Variants in CDKL2 observed in about 807,000 individuals in gnomAD.
The protein encoded by CDKL2 is cyclin-dependent kinase-like 2.
A neutral mutation model predicts 63.9 loss-of-function variants in CDKL2; 64 were observed. That is an observed-to-expected ratio of 1.00 (90% CI 0.82 to 1.23). The LOEUF is 1.23. Ranked by LOEUF, CDKL2 falls within the 50% of genes most tolerant of loss-of-function variation. CDKL2 has a pLI of 0.00. For missense variants in CDKL2, 656 were observed against 668.0 expected (o/e 0.98, Z 0.20); for synonymous variants, 211 against 229.2 (o/e 0.92, Z 0.72).
intron 2 of CDKL2, among the ~76,000 whole-genome samples, chr4:75,615,252 G>A (rs1729880967): frequency 6.6e-6 from 1 of 152,150 alleles, no homozygotes; most frequent in Non-Finnish European, 1.5e-5. Flanking sequence ...CTGGAACAAA[G>A]TCATGGCCTC....
intron 4 of CDKL2, among the ~76,000 whole-genome samples, 168 bp from the exon 5 acceptor site, chr4:75,605,802 T>C (rs1030442777): frequency 2.2e-4 from 27 of 120,674 alleles, no homozygotes; most frequent in East Asian, 2.3e-4. Flanking sequence ...TATCCCAAAA[T>C]CCAAAAAAAA....
intron 12 of CDKL2, among the ~76,000 whole-genome samples, chr4:75,587,669 C>T (rs892300819): frequency 2.0e-5 from 3 of 151,808 alleles, no homozygotes; most frequent in Non-Finnish European, 4.4e-5. Flanking sequence ...TTTGGGAGGC[C>T]GAGACGGGCG....
chr4:75,626,466 A>C (rs981210980), intron 1 of CDKL2, among the ~76,000 whole-genome samples: 1 of 152,132 alleles, frequency 6.6e-6, no homozygotes, highest in Non-Finnish European at 1.5e-5. Context: ...GGAGATTGAG[A>C]CCATCCTGGC....
At chr4:75,586,211 G>A (rs1728472489) in intron 12 of CDKL2, among the ~76,000 whole-genome samples, 1 of 145,016 alleles carries the variant, frequency 6.9e-6, no homozygotes, top group South Asian at 2.2e-4. Context: ...ATTAGAAAAC[G>A]TTTGGACTAA....
At chr4:75,586,463 C>T (rs1485374955) in intron 12 of CDKL2, among the ~76,000 whole-genome samples, 1 of 152,098 alleles carries the variant, frequency 6.6e-6, no homozygotes, top group African/African-American at 2.4e-5. Flanking sequence ...ATCTCCTGAC[C>T]TTGTGATCTG....
rs185150643 is a variant in CDKL2, at chr4:75,593,063, C to T, written c.1417-794G>A. Among the ~76,000 whole-genome samples, 3 of 152,144 alleles carry T rather than the reference C, an allele frequency of 2.0e-5. No homozygotes were observed. The East Asian group carries it at 5.8e-4, about 29-fold the overall frequency. On this transcript the variant is annotated intron_variant, in intron 10 of 13. Transcript: ENST00000307465. The stretch of plus-strand genomic sequence containing the variant: ...ATTAAGTTATGGAGGTTCCTTGATG[C>T]CTCAAACTTAATATTCTGTGAATTA...
rs1263487305 is a variant in CDKL2, at chr4:75,576,752, C to T, written c.*2450G>A. ...GATACATAGTGTATTACAGGTCCAG[C>T]CTTATATTGTAGCACAACTAAGATA... On this transcript the variant is annotated 3_prime_UTR_variant, in exon 14 of 14. Transcript: ENST00000307465. Among the ~76,000 whole-genome samples, 1 of 152,118 alleles carries T rather than the reference C, an allele frequency of 6.6e-6. No individual in the cohort carries two copies. Among genetic ancestry groups the T allele is most frequent in the African/African-American group, 2.4e-5 (1 of 41,426 alleles).
At chr4:75,628,117 A>T (rs963880827) in intron 1 of CDKL2, among the ~76,000 whole-genome samples, 13 of 140,850 alleles carry the variant, frequency 9.2e-5, no homozygotes, top group South Asian at 2.2e-4. Flanking sequence ...TGTGTTTGAA[A>T]TTTTTTTTTT....
At chr4:75,608,122 C>CTTTTTTTT (rs34604898) in intron 3 of CDKL2, among the ~76,000 whole-genome samples, 2 of 88,118 alleles carry the variant, frequency 2.3e-5, no homozygotes, top group East Asian at 3.7e-4. Context: ...GGCCAAAAAC[C>CTTTTTTTT]TTTTTTTTTT....
At chr4:75,591,256 T>C (rs1728702935) in intron 12 of CDKL2, among the ~76,000 whole-genome samples, 2 of 152,164 alleles carry the variant, frequency 1.3e-5, no homozygotes, top group South Asian at 4.1e-4. Context: ...TAACAAAAAC[T>C]GTAGCTAGGC....
chr4:75,629,923 A>G (rs1446057999), intron 1 of CDKL2, 119 bp downstream of exon 1: 3 of 116,404 alleles, frequency 2.6e-5, no homozygotes, highest in African/African-American at 6.5e-5. Flanking sequence ...GGGCAACAAG[A>G]GTGAAACTCC....
At chr4:75,615,455 T>C (rs995803349) in intron 2 of CDKL2, among the ~76,000 whole-genome samples, 2 of 152,182 alleles carry the variant, frequency 1.3e-5, no homozygotes, top group East Asian at 3.9e-4. Flanking sequence ...ACCAATGGAA[T>C]GCAGAATACA....
intron 5 of CDKL2, among the ~76,000 whole-genome samples, chr4:75,604,892 T>G (rs1277004474): frequency 6.6e-6 from 1 of 152,290 alleles, no homozygotes; most frequent in Middle Eastern, 3.4e-3. Context: ...TCCCAGCATT[T>G]TGGGAGGCCG....
At position 75,596,268 on chromosome 4, in the gene CDKL2, A is replaced by G; in HGVS notation, c.1395T>C (p.Tyr465=). The change falls in exon 10 of 14, where the codon TAT becomes TAC. Residue 465 remains tyrosine, a synonymous_variant. Coordinates refer to ENST00000307465, the MANE Select transcript of CDKL2 (RefSeq NM_001330724.2). ...KPNRHSPSGI[Y]NINVTTLVSS... Reference sequence around the variant, plus strand: ...TTACTAATGTGGTCACATTAATGTTATAAATGCCTGATGGGGAATGTCTGT... The same window carrying G: ...TTACTAATGTGGTCACATTAATGTTGTAAATGCCTGATGGGGAATGTCTGT... 6.2e-7 allele frequency: 1 copy of G among 1,609,112 alleles called. No individual in the cohort carries two copies. Among genetic ancestry groups the G allele is most frequent in the Non-Finnish European group, 8.5e-7 (1 of 1,175,452 alleles).
chr4:75,600,209 C>T, intron 7 of CDKL2, 72 bp downstream of exon 7: 8 of 916,442 alleles, frequency 8.7e-6, no homozygotes, highest in Non-Finnish European at 1.4e-5. Flanking sequence ...AAGAGAAGTG[C>T]TATTTGTGAC....
At chr4:75,596,477 C>G in intron 9 of CDKL2, 137 bp from the exon 10 acceptor site, 1 of 623,058 alleles carries the variant, frequency 1.6e-6, no homozygotes, top group South Asian at 1.9e-5. Flanking sequence ...ATACAATGCA[C>G]ATAAATCTGG....
chr4:75,585,741 C>T (rs965383690), intron 12 of CDKL2, among the ~76,000 whole-genome samples: 5 of 151,878 alleles, frequency 3.3e-5, no homozygotes, highest in African/African-American at 2.4e-5. Flanking sequence ...GGCAACAAAG[C>T]GAGACTCTGT....
chr4:75,596,045 G>T lies in CDKL2; in HGVS notation c.1416+202C>A, dbSNP rs978789965. 4 of 338,078 alleles carry T rather than the reference G, an allele frequency of 1.2e-5. No individual in the cohort carries two copies. The Admixed American group carries it at 1.5e-4, about 13-fold the overall frequency. The allele number at this position is 338,078 out of a possible 1,614,324, so 20.9% of individuals were successfully genotyped here. On this transcript the variant is annotated intron_variant, in intron 10 of 13. Transcript: ENST00000307465. ...GGAAGGAAGGAAGAAAGGAAGGAAG[G>T]AGTTTTTAGACTCATAAAACTTAAA...
intron 7 of CDKL2, 38 bp from the exon 8 acceptor site, chr4:75,598,250 G>C (rs528448755): frequency 8.8e-7 from 1 of 1,141,946 alleles, no homozygotes; most frequent in South Asian, 1.8e-5. Flanking sequence ...TGTAAGACAT[G>C]GATAAACCTA....
Sources: gnomAD v4.1 joint callset for allele counts (sites outside exome capture counted in the v4.1 genomes callset) on GRCh38, gnomAD v4.1.1 for gene constraint, MANE v1.5 for transcripts, NCBI Gene and HGNC (gene_info 2026-07-23, HGNC 2026-07-21) for gene names.